Variants in CHEK1 observed in about 807,000 individuals in gnomAD.
CHEK1 encodes the protein serine/threonine-protein kinase Chk1.
CHEK1 carries 32 observed loss-of-function variants against 60.2 expected under a neutral mutation model. The observed-to-expected ratio is 0.53, with a 90% CI of 0.40 to 0.71. The LOEUF (loss-of-function observed/expected upper bound fraction) is 0.71, where lower values mean the gene tolerates loss of function less well. CHEK1 is among the 30% of genes least tolerant of loss of function. The probability of loss-of-function intolerance (pLI) is 0.00; values close to 1 mark genes in which losing one functional copy is unlikely to be tolerated. For synonymous variants in CHEK1, 179 were observed against 187.2 expected (o/e 0.96, Z 0.36); for missense variants, 399 against 564.6 (o/e 0.71, Z 2.97).
chr11:125,633,931 C>T (rs907940960), intron 6 of CHEK1, among the ~76,000 whole-genome samples: 30 of 151,068 alleles, frequency 2.0e-4, no homozygotes, highest in African/African-American at 7.3e-4. Context: ...TCCTGATTTG[C>T]AGATGGCTGT....
At chr11:125,668,133 T>C (rs1445247678) in intron 13 of CHEK1, among the ~76,000 whole-genome samples, 2 of 152,230 alleles carry the variant, frequency 1.3e-5, no homozygotes, top group African/African-American at 4.8e-5. Flanking sequence ...CACTATTGTC[T>C]AGTTCAAGGT....
At chr11:125,651,208 G>A (rs1941713929) in intron 11 of CHEK1, among the ~76,000 whole-genome samples, 1 of 151,202 alleles carries the variant, frequency 6.6e-6, no homozygotes, top group African/African-American at 2.4e-5. Context: ...TCCTGTAAGT[G>A]TTTTCAGCAA....
Position 125,644,130 on chromosome 11 carries a change from C to T in CHEK1, c.963C>T (p.Pro321=), listed in dbSNP as rs772384279. 4.3e-6 allele frequency: 7 copies of T among 1,613,842 alleles called. No homozygotes were observed. The South Asian group carries it at 6.6e-5, about 15-fold the overall frequency. Residue 321 remains proline (P), a synonymous_variant, in exon 10 of 13, where the codon CCC becomes CCT. Coordinates refer to ENST00000438015, the MANE Select transcript of CHEK1 (RefSeq NM_001114122.3). ...NVKYSSSQPE[P]RTGLSLWDTS... ...AGTACTCCAGTTCTCAGCCAGAACC[C>T]CGCACAGGTCTTTCCTTATGGGATA...
chr11:125,639,432 C>T (rs1383860979), intron 8 of CHEK1, among the ~76,000 whole-genome samples: 14 of 129,264 alleles, frequency 1.1e-4, no homozygotes, highest in African/African-American at 4.0e-4. Context: ...AGTGCAGTGG[C>T]GCCATCTCCA....
At chr11:125,651,225 C>A (rs1941714488) in intron 11 of CHEK1, among the ~76,000 whole-genome samples, 1 of 151,432 alleles carries the variant, frequency 6.6e-6, no homozygotes. Flanking sequence ...GCAAACGCTA[C>A]TCAGGAGTAG....
chr11:125,673,526 C>CTCTGCT (rs1230627135), intron 13 of CHEK1, among the ~76,000 whole-genome samples: 25 of 152,108 alleles, frequency 1.6e-4, no homozygotes, highest in African/African-American at 5.8e-4. Context: ...TCTTGATACT[C>CTCTGCT]TCTGCTTCTG....
chr11:125,677,424 G>A (rs1351287034), downstream of CHEK1, among the ~76,000 whole-genome samples: 1 of 152,188 alleles, frequency 6.6e-6, no homozygotes, highest in Non-Finnish European at 1.5e-5. Context: ...TTCTAACATG[G>A]TTTAAGAGGC....
chr11:125,637,600 C>A, intron 8 of CHEK1, 56 bp downstream of exon 8: 1 of 1,251,854 alleles, frequency 8.0e-7, no homozygotes, highest in Non-Finnish European at 1.1e-6. Flanking sequence ...AAGGTAATTG[C>A]AAAGTTATTA....
chr11:125,643,604 AATT>A (rs1941386033), intron 8 of CHEK1, 185 bp from the exon 9 acceptor site: 1 of 546,958 alleles, frequency 1.8e-6, no homozygotes, highest in Non-Finnish European at 3.2e-6. Flanking sequence ...GAGTTTTAGT[AATT>A]TTATAACTTG....
chr11:125,676,931 G>C (rs1017478922), downstream of CHEK1, among the ~76,000 whole-genome samples: 1 of 151,502 alleles, frequency 6.6e-6, no homozygotes, highest in African/African-American at 2.4e-5. Flanking sequence ...CCTGTGAAGA[G>C]TGTGTCCTTC....
chr11:125,669,922 G>A (rs1168029243), intron 13 of CHEK1, among the ~76,000 whole-genome samples: 2 of 152,120 alleles, frequency 1.3e-5, no homozygotes, highest in Non-Finnish European at 2.9e-5. Context: ...GCAAAATTTA[G>A]TTATTATTTA....
At position 125,653,977 on chromosome 11, in the gene CHEK1, A is replaced by G. The variant is rs940297463; in HGVS notation, c.1335+130A>G. The G allele has an allele frequency of 1.7e-5, 9 of 529,080 alleles. No homozygotes were observed. Among genetic ancestry groups the G allele is most frequent in the African/African-American group, 1.0e-4 (5 of 49,446 alleles). 32.8% of individuals were successfully genotyped at this position (529,080 alleles called of 1,614,324 possible). On this transcript the variant is annotated intron_variant, in intron 12 of 12. Coordinates refer to ENST00000438015, the MANE Select transcript of CHEK1 (RefSeq NM_001114122.3). The surrounding 1 kb of genome is among the most constrained non-coding windows in gnomAD (Gnocchi z 4.3). ...GCTTTTTTCGTTTAATATTATGAGC[A>G]TGTGTTTTCGTTATCTATTTTTCCC...
chr11:125,633,507 GAGCTGTTAT>G (rs1440762414), intron 6 of CHEK1, among the ~76,000 whole-genome samples, 156 bp downstream of exon 6: 2 of 152,104 alleles, frequency 1.3e-5, no homozygotes, highest in Non-Finnish European at 2.9e-5. Flanking sequence ...GGAGTACAGT[GAGCTGTTAT>G]AGCTCACTGC....
intron 10 of CHEK1, 76 bp downstream of exon 10, chr11:125,644,344 A>T: frequency 6.7e-7 from 1 of 1,487,084 alleles, no homozygotes; most frequent in Non-Finnish European, 9.1e-7. Context: ...TTTAATGTGT[A>T]AATCTTAGAT....
At chr11:125,650,955 G>T (rs1325907393) in intron 11 of CHEK1, among the ~76,000 whole-genome samples, 1 of 152,108 alleles carries the variant, frequency 6.6e-6, no homozygotes, top group Non-Finnish European at 1.5e-5. Flanking sequence ...TTCGCTATCT[G>T]CTTGTGCAAA....
intron 12 of CHEK1, among the ~76,000 whole-genome samples, chr11:125,654,172 T>C (rs1376221953): frequency 3.3e-5 from 5 of 151,096 alleles, no homozygotes; most frequent in Non-Finnish European, 7.4e-5. Flanking sequence ...TTACTAAAAA[T>C]ACAAAAAATT....
Position 125,625,751 on chromosome 11 carries a change from A to C in CHEK1, c.-282A>C, listed in dbSNP as rs1940558241. Reference sequence around the variant, plus strand: ...ACTTCATATTTGGGCCCAGAGCTCAATTCGCGCCGATGCGGTCCGCCGTCC... The same window carrying C: ...ACTTCATATTTGGGCCCAGAGCTCACTTCGCGCCGATGCGGTCCGCCGTCC... On this transcript the variant is annotated 5_prime_UTR_variant, in exon 1 of 13. Transcript: ENST00000438015. 2 of 682,824 alleles carry C rather than the reference A, an allele frequency of 2.9e-6. No homozygotes were observed. Among genetic ancestry groups the C allele is most frequent in the Non-Finnish European group, 5.4e-6 (2 of 370,060 alleles). The allele number at this position is 682,824 out of a possible 1,614,324, so 42.3% of individuals were successfully genotyped here.
Position 125,633,366 on chromosome 11 carries a change from A to G in CHEK1, c.613+15A>G. The G allele has an allele frequency of 6.6e-7, 1 of 1,516,958 alleles. No individual in the cohort carries two copies. Among genetic ancestry groups the G allele is most frequent in the Non-Finnish European group, 8.8e-7 (1 of 1,138,464 alleles). The allele number at this position is 1,516,958 out of a possible 1,614,324, so 94.0% of individuals were successfully genotyped here. ...GCTCGCTGGAGGTAAGAGCTATTTA[A>G]TCATGGTAAAACTCCTATAAAAAGT... On this transcript the variant is annotated intron_variant, in intron 6 of 12. Coordinates refer to ENST00000438015, the MANE Select transcript of CHEK1 (RefSeq NM_001114122.3).
chr11:125,650,781 G>A (rs900520742), intron 11 of CHEK1, among the ~76,000 whole-genome samples: 2 of 152,020 alleles, frequency 1.3e-5, no homozygotes, highest in Admixed American at 6.6e-5. Context: ...GTCATGCATG[G>A]CTGTACAATT....
Sources: allele counts gnomAD v4.1 joint callset (sites outside exome capture counted in the v4.1 genomes callset), GRCh38; gene constraint gnomAD v4.1.1; non-coding constraint Gnocchi (gnomAD v3.1); transcripts MANE v1.5; gene names NCBI Gene and HGNC (gene_info 2026-07-23, HGNC 2026-07-21).